The following PRSS12 variants were observed in gnomAD, a reference collection of about 807,000 sequenced individuals.
The protein encoded by PRSS12 is neurotrypsin.
A neutral mutation model predicts 104.4 loss-of-function variants in PRSS12; 85 were observed. That is an observed-to-expected ratio of 0.81 (90% CI 0.68 to 0.98). The LOEUF (loss-of-function observed/expected upper bound fraction) is 0.98, where lower values mean the gene tolerates loss of function less well. PRSS12 is among the 50% of genes least tolerant of loss of function. PRSS12 has a pLI of 0.00. For synonymous variants in PRSS12, 454 were observed against 425.2 expected, an observed-to-expected ratio of 1.07 and a Z score of -0.83; for missense variants, 1,141 against 1,139.2, an observed-to-expected ratio of 1.00 and a Z score of -0.02.
intron 9 of PRSS12, among the ~76,000 whole-genome samples, chr4:118,297,492 A>G (rs1743279604): frequency 6.6e-6 from 1 of 151,620 alleles, no homozygotes; most frequent in Non-Finnish European, 1.5e-5. Context: ...ATATATACAT[A>G]TATCTATACA....
chr4:118,291,802 T>C (rs545629060), intron 11 of PRSS12, among the ~76,000 whole-genome samples: 2 of 152,306 alleles, frequency 1.3e-5, no homozygotes, highest in East Asian at 1.9e-4. Context: ...AACCATATTG[T>C]ATTGCTGAGT....
intron 11 of PRSS12, among the ~76,000 whole-genome samples, chr4:118,283,368 C>T (rs147349915): frequency 3.9e-5 from 6 of 152,312 alleles, no homozygotes; most frequent in Non-Finnish European, 8.8e-5. Context: ...AAAATAAAGA[C>T]TAATCATTAA....
intron 8 of PRSS12, among the ~76,000 whole-genome samples, chr4:118,299,416 C>A (rs1192028923): frequency 6.6e-6 from 1 of 152,162 alleles, no homozygotes; most frequent in Non-Finnish European, 1.5e-5. Flanking sequence ...CACGTTGGCT[C>A]ATGCCTAGAA....
At chr4:118,328,881 C>A (rs1342640249) in intron 4 of PRSS12, among the ~76,000 whole-genome samples, 1 of 152,086 alleles carries the variant, frequency 6.6e-6, no homozygotes, top group East Asian at 1.9e-4. Flanking sequence ...GCAACCTCTG[C>A]CTCCTGGGTT....
At chr4:118,297,128 T>C (rs146983204) in intron 9 of PRSS12, among the ~76,000 whole-genome samples, 1 of 152,248 alleles carries the variant, frequency 6.6e-6, no homozygotes, top group East Asian at 1.9e-4. Context: ...ATGGCTTCAG[T>C]TTGAATCACC....
At chr4:118,329,898 A>T (rs1175043735) in intron 4 of PRSS12, among the ~76,000 whole-genome samples, 1 of 152,204 alleles carries the variant, frequency 6.6e-6, no homozygotes, top group Non-Finnish European at 1.5e-5. Context: ...TGACTCCAAC[A>T]GCAGGCACCG....
At chr4:118,293,689 C>T (rs1219799411) in intron 11 of PRSS12, among the ~76,000 whole-genome samples, 7 of 152,056 alleles carry the variant, frequency 4.6e-5, no homozygotes, top group African/African-American at 1.7e-4. Flanking sequence ...AAAAGAAACC[C>T]CAAAACTTTG....
At chr4:118,316,838 AT>A (rs1408729147) in intron 5 of PRSS12, among the ~76,000 whole-genome samples, 19 of 21,142 alleles carry the variant, frequency 9.0e-4, no homozygotes, top group East Asian at 2.4e-3. Context: ...AAAAAAAAAA[AT>A]ATATATATAT....
chr4:118,352,852 C>G lies in PRSS12; in HGVS notation c.-132G>C, dbSNP rs1403524425. ...CCCCCTCCCGCCCCCGCACGCGGAC[C>G]GCCCTCGCCTCCCCAACCTTGCCTC... is the stretch of plus-strand genomic sequence containing the variant. On this transcript the variant is annotated 5_prime_UTR_variant, in exon 1 of 13. Coordinates refer to ENST00000296498, the MANE Select transcript of PRSS12 (RefSeq NM_003619.4). 3 of 1,476,262 alleles carry G rather than the reference C, an allele frequency of 2.0e-6. No homozygotes were observed. The highest frequency in any genetic ancestry group is 4.4e-5 in the Admixed American group (2 of 45,936). The allele number at this position is 1,476,262 out of a possible 1,614,324, so 91.4% of individuals were successfully genotyped here. A position where few individuals can be genotyped will look rare whatever the true frequency, so the allele number is the denominator to read the frequency against.
In PRSS12 at chr4:118,292,275, T is replaced by C. The variant is rs80198876; in HGVS notation, c.2039+2664A>G. Among the ~76,000 whole-genome samples, 5 of 152,326 alleles carry C rather than the reference T, an allele frequency of 3.3e-5. No homozygotes were observed. The East Asian group carries it at 9.6e-4, about 29-fold the overall frequency. ...GATAAGCATCTGTCAATTCCACTTATTCTTCCCCATCATCATTCTTCAACT... is the reference window on the plus strand; with the variant it reads ...GATAAGCATCTGTCAATTCCACTTACTCTTCCCCATCATCATTCTTCAACT... On this transcript the variant is annotated intron_variant, in intron 11 of 12. Coordinates refer to ENST00000296498, the MANE Select transcript of PRSS12 (RefSeq NM_003619.4).
rs2126032215 is a variant in PRSS12 at position 118,308,560 on chromosome 4, T to C, written c.1507A>G (p.Met503Val). The C allele has an allele frequency of 6.2e-7, 1 of 1,613,734 alleles. No individual in the cohort carries two copies. Among genetic ancestry groups the C allele is most frequent in the East Asian group, 2.2e-5 (1 of 44,828 alleles). The change falls in exon 8 of 13, where the codon ATG (methionine) becomes GTG (valine). Residue 503 changes from methionine to valine, a missense_variant. Met to Val is a conservative substitution (Grantham distance 21). Transcript: ENST00000296498. ...RLSLGFPVRL[M>V]DGENKKEGRV... ...CCTTCTTTCTTATTTTCTCCATCCA[T>C]CAGTCTGACAGGAAAACCTAAGTCA...
intron 12 of PRSS12, 111 bp from the exon 13 acceptor site, chr4:118,282,354 G>T: frequency 7.0e-7 from 1 of 1,423,004 alleles, no homozygotes; most frequent in Non-Finnish European, 9.8e-7. Flanking sequence ...TGGCATTAGT[G>T]TAGTTTAAAA....
chr4:118,283,911 AT>A (rs1560762452), intron 11 of PRSS12, among the ~76,000 whole-genome samples: 1 of 152,174 alleles, frequency 6.6e-6, no homozygotes, highest in Non-Finnish European at 1.5e-5. Flanking sequence ...AACACCTAAA[AT>A]AGTGTTGTGC....
At chr4:118,313,043 T>G in intron 7 of PRSS12, 158 bp downstream of exon 7, 4 of 814,112 alleles carry the variant, frequency 4.9e-6, no homozygotes, top group Non-Finnish European at 7.7e-6. Context: ...CTCAAAAGAT[T>G]ATTTTTCTCT....
chr4:118,346,346 C>A (rs1021188004), intron 1 of PRSS12, among the ~76,000 whole-genome samples: 1 of 151,912 alleles, frequency 6.6e-6, no homozygotes, highest in East Asian at 1.9e-4. Context: ...TCATAATTAT[C>A]ATGTTTTCTT....
chr4:118,339,645 C>T (rs1165840340), intron 1 of PRSS12, among the ~76,000 whole-genome samples: 1 of 152,170 alleles, frequency 6.6e-6, no homozygotes, highest in Non-Finnish European at 1.5e-5. Flanking sequence ...TATGACAAAT[C>T]ATCTAAAACT....
At chr4:118,329,519 A>G (rs1723865221) in intron 4 of PRSS12, among the ~76,000 whole-genome samples, 1 of 152,210 alleles carries the variant, frequency 6.6e-6, no homozygotes, top group African/African-American at 2.4e-5. Flanking sequence ...ATATGTACAC[A>G]TTAGAGTGTA....
In PRSS12 at chr4:118,308,441, G is replaced by T. The variant is rs997398504; in HGVS notation, c.1626C>A (p.Gly542=). 2 of 1,613,994 alleles carry T rather than the reference G, an allele frequency of 1.2e-6. No homozygotes were observed. The highest frequency in any genetic ancestry group is 2.2e-5 in the South Asian group (2 of 91,082). ...AATAATTAGGTTTTCCTTACTTGTA[G>T]CCAAGCTGACGACAGATCACAGCTG... ...KDAAVICRQL[G]YKGPARARTM... is the part of the protein sequence containing the mutation. Residue 542 remains glycine (G), a synonymous_variant, in exon 8 of 13, where the codon GGC becomes GGA. Coordinates refer to ENST00000296498, the MANE Select transcript of PRSS12 (RefSeq NM_003619.4).
chr4:118,350,072 T>C (rs570145004), intron 1 of PRSS12, among the ~76,000 whole-genome samples: 2 of 152,236 alleles, frequency 1.3e-5, no homozygotes, highest in East Asian at 3.9e-4. Flanking sequence ...CAGTCCAGCA[T>C]CCAACACAGA....
Sources: gnomAD v4.1 joint callset for allele counts (sites outside exome capture counted in the v4.1 genomes callset) on GRCh38, gnomAD v4.1.1 for gene constraint, MANE v1.5 for transcripts, NCBI Gene and HGNC (gene_info 2026-07-23, HGNC 2026-07-21) for gene names.